Variants in FGFR2 observed in about 807,000 individuals in gnomAD.
FGFR2 encodes the protein fibroblast growth factor receptor 2, also known as BEK fibroblast growth factor receptor.
A neutral mutation model predicts 95.9 loss-of-function variants in FGFR2; 19 were observed. The observed-to-expected ratio is 0.20, with a 90% CI of 0.14 to 0.29. The LOEUF is 0.29. Among genes scored for constraint, FGFR2 ranks in the 10% least tolerant of loss-of-function variants. The probability of loss-of-function intolerance (pLI) is 1.00; values close to 1 mark genes in which losing one functional copy is unlikely to be tolerated. For synonymous variants in FGFR2, 392 were observed against 393.3 expected, an observed-to-expected ratio of 1.00 and a Z score of 0.04; for missense variants, 707 against 1,056.9, an observed-to-expected ratio of 0.67 and a Z score of 4.59.
chr10:121,541,941 C>T (rs943177482), intron 5 of FGFR2, among the ~76,000 whole-genome samples: 1 of 152,116 alleles, frequency 6.6e-6, no homozygotes. Flanking sequence ...AGCACAATTA[C>T]TTCAAGGCAC....
At position 121,485,285 on chromosome 10, in the gene FGFR2, T is replaced by A. The variant is rs1009535509; in HGVS notation, c.2195+110A>T. 50 of 1,453,650 alleles carry A rather than the reference T, an allele frequency of 3.4e-5. No homozygotes were observed. In the South Asian group the frequency reaches 5.6e-4, roughly 16 times the overall value. 90.0% of individuals were successfully genotyped at this position (1,453,650 alleles called of 1,614,324 possible). A position where few individuals can be genotyped will look rare whatever the true frequency, so the allele number is the denominator to read the frequency against. On this transcript the variant is annotated intron_variant, in intron 16 of 17. Coordinates refer to ENST00000358487, the MANE Select transcript of FGFR2 (RefSeq NM_000141.5). The surrounding 1 kb of genome is among the most constrained non-coding windows in gnomAD (Gnocchi z 4.2). ...CCCAGAGAGCTTCAGCCATTCTTCT[T>A]AGAGCATGTTTAGGAAACCAGGGGC...
At chr10:121,521,401 T>C (rs2981444) in intron 6 of FGFR2, among the ~76,000 whole-genome samples, 136,594 of 152,238 alleles carry the variant, frequency 0.9, 63,131 homozygotes, top group East Asian at 1. Context: ...TGCAAAACTT[T>C]TGTGGAGACA....
rs1405820428 is a variant in FGFR2, at chr10:121,593,702, G to T, written c.109+7C>A. ...ACAAACCTGAAAAGTGAAATTAAAT[G>T]ACTTACCTTCTGGCTCTAATGTGGT... On this transcript the variant is annotated splice_region_variant and intron_variant, in intron 2 of 17. Coordinates refer to ENST00000358487, the MANE Select transcript of FGFR2 (RefSeq NM_000141.5). 3 of 1,612,096 alleles carry T rather than the reference G, an allele frequency of 1.9e-6. No homozygotes were observed. The highest frequency in any genetic ancestry group is 2.2e-5 in the East Asian group (1 of 44,874).
At chr10:121,492,897 C>T (rs547529845) in intron 13 of FGFR2, among the ~76,000 whole-genome samples, 3 of 152,278 alleles carry the variant, frequency 2.0e-5, no homozygotes, top group South Asian at 4.1e-4. Context: ...TCACCCGCCC[C>T]CCACGTGGAA....
chr10:121,520,854 G>C (rs1395658752), intron 6 of FGFR2, among the ~76,000 whole-genome samples: 1 of 152,176 alleles, frequency 6.6e-6, no homozygotes, highest in Non-Finnish European at 1.5e-5. Context: ...TGTTGCCTGG[G>C]CTGGTCTCAA....
chr10:121,594,178 C>T (rs1442427283), intron 1 of FGFR2: 2 of 452,416 alleles, frequency 4.4e-6, no homozygotes, highest in East Asian at 3.9e-5. Flanking sequence ...TTTTTAAAAG[C>T]ATACTTTTAA....
chr10:121,510,211 C>G (rs1329613804), intron 9 of FGFR2, among the ~76,000 whole-genome samples: 2 of 152,186 alleles, frequency 1.3e-5, no homozygotes, highest in East Asian at 3.9e-4. Flanking sequence ...GAGTCTCTGC[C>G]TCCCGCAGGC....
intron 13 of FGFR2, 39 bp downstream of exon 13, chr10:121,496,493 T>A (rs760590612): frequency 3.7e-6 from 6 of 1,605,518 alleles, no homozygotes; most frequent in Non-Finnish European, 4.3e-6. Context: ...ACATTTTTAG[T>A]TGGATTCCAC....
Position 121,479,752 on chromosome 10 carries a change from C to T in FGFR2, c.*105G>A, listed in dbSNP as rs1047721497. 2.7e-5 allele frequency: 43 copies of T among 1,612,618 alleles called. 1 individual carries two copies. The African/African-American group carries it at 5.3e-4, about 20-fold the overall frequency. ...TTTCCAATTATTTACTCCTCTGATCCATATATACAAGTGGAGACAACAAGC... is the reference window on the plus strand; with the variant it reads ...TTTCCAATTATTTACTCCTCTGATCTATATATACAAGTGGAGACAACAAGC... On this transcript the variant is annotated 3_prime_UTR_variant, in exon 18 of 18. Transcript: ENST00000358487.
At chr10:121,543,138 C>G (rs746012193) in intron 5 of FGFR2, among the ~76,000 whole-genome samples, 10 of 152,208 alleles carry the variant, frequency 6.6e-5, no homozygotes, top group Admixed American at 3.3e-4. Flanking sequence ...AGACAGCAAT[C>G]TCTTGTAATC....
At chr10:121,550,711 T>A (rs902698156) in intron 5 of FGFR2, among the ~76,000 whole-genome samples, 1 of 152,186 alleles carries the variant, frequency 6.6e-6, no homozygotes, top group Non-Finnish European at 1.5e-5. Flanking sequence ...ATAAAGCATA[T>A]AGAAAACAGA....
rs569828908 is a variant in FGFR2, at chr10:121,573,587, G to A, written c.110-7883C>T. Among the ~76,000 whole-genome samples, 6 of 152,032 alleles carry A rather than the reference G, an allele frequency of 3.9e-5. No individual in the cohort carries two copies. The South Asian group carries it at 1.0e-3, about 26-fold the overall frequency. ...AAAAGGAGAGGAGAGACGGAGACAAGGAAAAGGAAGGGAGAGAAACAGAGG... is the reference window on the plus strand; with the variant it reads ...AAAAGGAGAGGAGAGACGGAGACAAAGAAAAGGAAGGGAGAGAAACAGAGG... On this transcript the variant is annotated intron_variant, in intron 2 of 17. Coordinates refer to ENST00000358487, the MANE Select transcript of FGFR2 (RefSeq NM_000141.5).
chr10:121,598,239 G>A lies in FGFR2; in HGVS notation c.-428C>T. The A allele has an allele frequency of 2.5e-6, 1 of 396,112 alleles. No individual in the cohort carries two copies. The highest frequency in any genetic ancestry group is 4.5e-6 in the Non-Finnish European group (1 of 224,520). 24.5% of individuals were successfully genotyped at this position (396,112 alleles called of 1,614,324 possible). Reference sequence around the variant, plus strand: ...CTCCACCAAACTTTGCTCGCGAGTTGCGAAGGCTCAGAGCGCGCAGGCAAG... The same window carrying A: ...CTCCACCAAACTTTGCTCGCGAGTTACGAAGGCTCAGAGCGCGCAGGCAAG... On this transcript the variant is annotated 5_prime_UTR_variant, in exon 1 of 18. Coordinates refer to ENST00000358487, the MANE Select transcript of FGFR2 (RefSeq NM_000141.5).
At chr10:121,506,681 A>G (rs933431743) in intron 9 of FGFR2, among the ~76,000 whole-genome samples, 6 of 152,174 alleles carry the variant, frequency 3.9e-5, no homozygotes, top group Non-Finnish European at 8.8e-5. Context: ...GGATGTGGGG[A>G]AGGCAGCTGT....
intron 9 of FGFR2, among the ~76,000 whole-genome samples, chr10:121,507,062 A>G (rs1301020328): frequency 2.6e-5 from 4 of 152,180 alleles, no homozygotes; most frequent in Non-Finnish European, 5.9e-5. Context: ...GTTTTGTGGC[A>G]TCTCTGCATC....
chr10:121,509,487 T>C (rs1325986282), intron 9 of FGFR2, among the ~76,000 whole-genome samples: 11 of 97,210 alleles, frequency 1.1e-4, no homozygotes, highest in Non-Finnish European at 1.5e-4. Flanking sequence ...CTTTTCTTTT[T>C]TTTTTTTTTT....
intron 6 of FGFR2, among the ~76,000 whole-genome samples, chr10:121,532,255 A>G (rs1038423130): frequency 1.3e-5 from 2 of 152,224 alleles, no homozygotes; most frequent in African/African-American, 4.8e-5. Flanking sequence ...AGGAACAGGT[A>G]CAAGCATGAC....
chr10:121,500,535 A>G (rs1457916709), intron 11 of FGFR2, among the ~76,000 whole-genome samples: 1 of 152,228 alleles, frequency 6.6e-6, no homozygotes, highest in Admixed American at 6.5e-5. Flanking sequence ...TTCTAAGCAC[A>G]TAAAAATACA....
At chr10:121,570,988 T>G (rs1458351790) in intron 2 of FGFR2, among the ~76,000 whole-genome samples, 2 of 148,370 alleles carry the variant, frequency 1.3e-5, no homozygotes, top group Non-Finnish European at 3.0e-5. Context: ...CAAGCAGCCT[T>G]TTTTTTCTTT....
Sources: allele counts gnomAD v4.1 joint callset (sites outside exome capture counted in the v4.1 genomes callset), GRCh38; gene constraint gnomAD v4.1.1; non-coding constraint Gnocchi (gnomAD v3.1); transcripts MANE v1.5; gene names NCBI Gene and HGNC (gene_info 2026-07-23, HGNC 2026-07-21).